Variants in UPF2 observed in about 807,000 individuals in gnomAD.
The protein encoded by UPF2 is UPF2 regulator of nonsense mediated mRNA decay.
UPF2 carries 17 observed loss-of-function variants against 141.4 expected under a neutral mutation model. The ratio of observed to expected loss-of-function variants is 0.12; its 90% CI spans 0.08 to 0.18. The LOEUF is 0.18. Ranked by LOEUF, UPF2 falls within the 10% of genes least tolerant of loss-of-function variation. UPF2 has a pLI of 1.00. For missense variants in UPF2, 1,152 were observed against 1,515.9 expected, an observed-to-expected ratio of 0.76 and a Z score of 3.99; for synonymous variants, 540 against 498.0, an observed-to-expected ratio of 1.08 and a Z score of -1.12.
intron 19 of UPF2, among the ~76,000 whole-genome samples, chr10:11,933,980 G>A (rs538171337): frequency 6.6e-6 from 1 of 152,296 alleles, no homozygotes; most frequent in Admixed American, 6.5e-5. Context: ...AAGCTGCCAT[G>A]TACTGCCCTC....
intron 3 of UPF2, chr10:12,026,759 T>TC (rs1164529439): frequency 2.4e-6 from 1 of 419,060 alleles, no homozygotes; most frequent in African/African-American, 2.1e-5. Flanking sequence ...CAAGTGATTC[T>TC]CCTGCCTCAG....
intron 18 of UPF2, among the ~76,000 whole-genome samples, chr10:11,938,859 T>TGTTG (rs1253788824): frequency 1.4e-5 from 1 of 70,836 alleles, no homozygotes; most frequent in African/African-American, 5.9e-5. Flanking sequence ...TTTTGTTTTT[T>TGTTG]TTTTTTTTTT....
chr10:12,033,879 T>C (rs1834573000), intron 2 of UPF2, among the ~76,000 whole-genome samples: 1 of 152,150 alleles, frequency 6.6e-6, no homozygotes. Context: ...GAAGAGCTTA[T>C]GCTATTCAAC....
At position 11,997,719 on chromosome 10, in the gene UPF2, T is replaced by G; in HGVS notation, c.1797A>C (p.Ala599=). 1 of 1,613,900 alleles carries G rather than the reference T, an allele frequency of 6.2e-7. No homozygotes were observed. The highest frequency in any genetic ancestry group is 8.5e-7 in the Non-Finnish European group (1 of 1,179,872). The change falls in exon 8 of 22, where the codon GCA becomes GCC. Residue 599 remains alanine (A), a synonymous_variant. Transcript: ENST00000357604. The part of the protein sequence containing the change: ...MDFCMNMNTK[A]NRKKLVRALF... ...GTGCCCGTACCAACTTCTTCCTGTT[T>G]GCTTTTGTGTTCATGTTCATGCAAA...
At chr10:11,961,653 T>G (rs1030057962) in intron 11 of UPF2, among the ~76,000 whole-genome samples, 1 of 152,138 alleles carries the variant, frequency 6.6e-6, no homozygotes, top group Admixed American at 6.6e-5. Context: ...AAGTTGTGTG[T>G]GTATGTGAGA....
chr10:12,015,429 T>C (rs1485843108), intron 3 of UPF2, among the ~76,000 whole-genome samples: 1 of 152,220 alleles, frequency 6.6e-6, no homozygotes, highest in Non-Finnish European at 1.5e-5. Flanking sequence ...CGGCCAGGCA[T>C]GGTGACTCAC....
chr10:11,934,027 C>T (rs1047553382), intron 19 of UPF2, among the ~76,000 whole-genome samples: 1 of 152,148 alleles, frequency 6.6e-6, no homozygotes, highest in African/African-American at 2.4e-5. Flanking sequence ...TGTGTGCATG[C>T]CTTCCAACTT....
Position 11,929,773 on chromosome 10 carries a change from CT to C in UPF2, c.3809+91del. 14 of 1,509,670 alleles carry C rather than the reference CT, an allele frequency of 9.3e-6. No individual in the cohort carries two copies. In the South Asian group the frequency reaches 1.9e-4, roughly 20 times the overall value. 93.5% of individuals were successfully genotyped at this position (1,509,670 alleles called of 1,614,324 possible). A position where few individuals can be genotyped will look rare whatever the true frequency, so the allele number is the denominator to read the frequency against. ...TTTTCTATTTTGCTAAAAATCGGGC[CT>C]TTGCCAAAAACTATAATCCAGAATT... On this transcript the variant is annotated intron_variant, in intron 21 of 21. Coordinates refer to ENST00000357604, the MANE Select transcript of UPF2 (RefSeq NM_015542.4).
chr10:11,931,210 C>T lies in UPF2; in HGVS notation c.3688+431G>A, dbSNP rs1343992627. 1.3e-5 allele frequency among the ~76,000 whole-genome samples: 2 copies of T among 152,188 alleles called. No homozygotes were observed. The highest frequency in any genetic ancestry group is 4.8e-5 in the African/African-American group (2 of 41,446). On this transcript the variant is annotated intron_variant, in intron 20 of 21. Coordinates refer to ENST00000357604, the MANE Select transcript of UPF2 (RefSeq NM_015542.4). The surrounding 1 kb of genome is among the most constrained non-coding windows in gnomAD (Gnocchi z 5.9). ...TGGTCCCATCAGTTCATAACAGCTA[C>T]ACCATACAGCCTCAGTGTGTAGTAG... is the stretch of plus-strand genomic sequence containing the variant.
At chr10:11,945,246 C>T (rs1383742726) in intron 16 of UPF2, among the ~76,000 whole-genome samples, 1 of 152,208 alleles carries the variant, frequency 6.6e-6, no homozygotes, top group Non-Finnish European at 1.5e-5. Context: ...CACCCCCACT[C>T]TTCAAAATGT....
upstream of UPF2, chr10:12,043,039 T>G (rs1834769011): frequency 6.6e-6 from 1 of 152,290 alleles, no homozygotes; most frequent in Non-Finnish European, 1.5e-5. Flanking sequence ...GCCCTCAGCT[T>G]GACTCTGGGG....
At chr10:12,029,971 C>CA (rs568108700) in intron 2 of UPF2, among the ~76,000 whole-genome samples, 1,744 of 135,846 alleles carry the variant, frequency 0.013, 14 homozygotes, top group African/African-American at 0.018. Flanking sequence ...AAAAAAAAAA[C>CA]AAAAAAAAAA....
At chr10:11,987,183 A>AAT (rs1833706023) in intron 8 of UPF2, among the ~76,000 whole-genome samples, 1 of 152,202 alleles carries the variant, frequency 6.6e-6, no homozygotes, top group African/African-American at 2.4e-5. Context: ...TTTAGATATA[A>AAT]ACACCTCAGG....
rs1475345532 is a variant in UPF2 at position 12,042,559 on chromosome 10, G to A, written c.-19+196C>T. Among the ~76,000 whole-genome samples, 1 of 152,126 alleles carries A rather than the reference G, an allele frequency of 6.6e-6. No homozygotes were observed. The highest frequency in any genetic ancestry group is 1.5e-5 in the Non-Finnish European group (1 of 68,000). On this transcript the variant is annotated intron_variant, in intron 1 of 21. Transcript: ENST00000357604. The surrounding 1 kb of genome is among the most constrained non-coding windows in gnomAD (Gnocchi z 5.5). Reference sequence around the variant, plus strand: ...CCGGCCCGGGGGCTCCCGCGTTGATGGGAGCCTCGGAGACAGGGGGTCTGA... The same window carrying A: ...CCGGCCCGGGGGCTCCCGCGTTGATAGGAGCCTCGGAGACAGGGGGTCTGA...
At chr10:11,938,868 T>TTTTTTTTTTTTTGTTTTTTTTTTTG (rs1675605285) in intron 18 of UPF2, among the ~76,000 whole-genome samples, 1 of 90,822 alleles carries the variant, frequency 1.1e-5, no homozygotes, top group Non-Finnish European at 2.4e-5. Flanking sequence ...TTTTTTTTTT[T>TTTTTTTTTTTTTGTTTTTTTTTTTG]TTTTTTTTTT....
chr10:11,985,919 G>C (rs1185406293), intron 8 of UPF2, among the ~76,000 whole-genome samples: 5 of 103,904 alleles, frequency 4.8e-5, no homozygotes, highest in Non-Finnish European at 1.8e-5. Flanking sequence ...GAATCTCGCT[G>C]TGTCGCCCAG....
intron 4 of UPF2, among the ~76,000 whole-genome samples, chr10:12,009,355 TA>T (rs1419823087): frequency 1.3e-5 from 2 of 152,144 alleles, no homozygotes; most frequent in Non-Finnish European, 2.9e-5. Flanking sequence ...TATTACTATG[TA>T]GCAATTAAAA....
Position 11,956,577 on chromosome 10 carries a change from C to T in UPF2, c.2371-54G>A. On this transcript the variant is annotated intron_variant, in intron 12 of 21. Transcript: ENST00000357604. The surrounding 1 kb of genome is among the most constrained non-coding windows in gnomAD (Gnocchi z 4.2). ...TTAAGATAAGTACACAGTAGCCTGACCAAATAATACAGAAATTTTGCTATG... is the reference window on the plus strand; with the variant it reads ...TTAAGATAAGTACACAGTAGCCTGATCAAATAATACAGAAATTTTGCTATG... 1 of 1,522,430 alleles carries T rather than the reference C, an allele frequency of 6.6e-7. No individual in the cohort carries two copies. Among genetic ancestry groups the T allele is most frequent in the East Asian group, 2.3e-5 (1 of 44,312 alleles). The allele number at this position is 1,522,430 out of a possible 1,614,324, so 94.3% of individuals were successfully genotyped here.
chr10:12,042,393 G>A lies in UPF2; in HGVS notation c.-19+362C>T, dbSNP rs527507317. 6.3e-4 allele frequency among the ~76,000 whole-genome samples: 96 copies of A among 152,168 alleles called. No individual in the cohort carries two copies. Among genetic ancestry groups the A allele is most frequent in the Middle Eastern group, 6.8e-3 (2 of 292 alleles). ...CCTCGCTTCCCTCCCGGCTCTCGAGGAGCTTCCCCCGACCTCCCCTCGCTC... is the reference window on the plus strand; with the variant it reads ...CCTCGCTTCCCTCCCGGCTCTCGAGAAGCTTCCCCCGACCTCCCCTCGCTC... On this transcript the variant is annotated intron_variant, in intron 1 of 21. Transcript: ENST00000357604. The surrounding 1 kb of genome is among the most constrained non-coding windows in gnomAD (Gnocchi z 5.5).
Sources: gnomAD v4.1 joint callset for allele counts (sites outside exome capture counted in the v4.1 genomes callset) on GRCh38, gnomAD v4.1.1 for gene constraint, Gnocchi (gnomAD v3.1) non-coding constraint, MANE v1.5 for transcripts, NCBI Gene and HGNC (gene_info 2026-07-23, HGNC 2026-07-21) for gene names.